ARHGAP44: variants seen among roughly 807,000 people sequenced by gnomAD.
ARHGAP44 encodes the protein Rho GTPase activating protein 44.
ARHGAP44 carries 43 observed loss-of-function variants against 106.8 expected under a neutral mutation model. The observed-to-expected ratio is 0.40, with a 90% CI of 0.32 to 0.52. The LOEUF (loss-of-function observed/expected upper bound fraction) is 0.52, where lower values mean the gene tolerates loss of function less well. Among genes scored for constraint, ARHGAP44 ranks in the 20% least tolerant of loss-of-function variants. ARHGAP44 has a pLI of 0.48. For synonymous variants in ARHGAP44, 439 were observed against 410.3 expected (o/e 1.07, Z -0.85); for missense variants, 866 against 1,050.5 (o/e 0.82, Z 2.43).
At chr17:12,973,463 A>C (rs1299348765) in intron 17 of ARHGAP44, 144 bp downstream of exon 17, 2 of 826,810 alleles carry the variant, frequency 2.4e-6, no homozygotes, top group African/African-American at 3.4e-5. Flanking sequence ...CCCATCATTA[A>C]AATAGAATCA....
chr17:12,841,493 G>C (rs559820482), intron 1 of ARHGAP44, among the ~76,000 whole-genome samples: 1 of 151,912 alleles, frequency 6.6e-6, no homozygotes, highest in East Asian at 1.9e-4. Context: ...GCTAAGGCAG[G>C]AGAATTGCTT....
At chr17:12,885,188 C>T (rs536319183) in intron 1 of ARHGAP44, among the ~76,000 whole-genome samples, 18 of 152,294 alleles carry the variant, frequency 1.2e-4, no homozygotes, top group East Asian at 1.9e-4. Context: ...CGTGAGCCAT[C>T]GCACCCAGCA....
intron 20 of ARHGAP44, chr17:12,988,925 CAA>C (rs76187703): frequency 0.014 from 1,199 of 84,558 alleles, 22 homozygotes; most frequent in African/African-American, 0.051. Context: ...CTAAAAACAC[CAA>C]AAAAAAAAAA....
chr17:12,987,493 CGT>C, intron 20 of ARHGAP44: 1 of 205,014 alleles, frequency 4.9e-6, no homozygotes, highest in Non-Finnish European at 9.9e-6. Flanking sequence ...ATCTGTTCTT[CGT>C]GTGAGACTTT....
chr17:12,976,654 G>T (rs1051685824), intron 18 of ARHGAP44, among the ~76,000 whole-genome samples: 2 of 151,188 alleles, frequency 1.3e-5, no homozygotes, highest in African/African-American at 4.9e-5. Flanking sequence ...GTAAAACCAG[G>T]AAATGACAAA....
In ARHGAP44 at chr17:12,990,081, G is replaced by A. The variant is rs2040086236; in HGVS notation, c.2367G>A (p.Thr789=). ...CGATCCACATAGAGCTCGGGTCGAC[G>A]CTCCGCCTGAGTCCCCTGGAGCACA... ...IPSIHIELGS[T]LRLSPLEHMR... The change falls in exon 21 of 21, where the codon ACG becomes ACA. Residue 789 remains threonine (T), a synonymous_variant. Coordinates refer to ENST00000379672, the MANE Select transcript of ARHGAP44 (RefSeq NM_014859.6). The A allele has an allele frequency of 4.3e-6, 7 of 1,612,534 alleles. No homozygotes were observed. Among genetic ancestry groups the A allele is most frequent in the South Asian group, 1.1e-5 (1 of 91,058 alleles).
intron 1 of ARHGAP44, among the ~76,000 whole-genome samples, chr17:12,863,516 A>G (rs916388215): frequency 6.6e-6 from 1 of 152,138 alleles, no homozygotes; most frequent in Admixed American, 6.5e-5. Flanking sequence ...TATTGTGCCA[A>G]TTTCCTCCCA....
chr17:12,981,670 T>C, intron 19 of ARHGAP44, among the ~76,000 whole-genome samples: 1 of 151,556 alleles, frequency 6.6e-6, no homozygotes, highest in Non-Finnish European at 1.5e-5. Flanking sequence ...AGTGCTGGGA[T>C]TACAGGCGTG....
chr17:12,818,944 G>A (rs905201672), intron 1 of ARHGAP44, among the ~76,000 whole-genome samples: 4 of 152,054 alleles, frequency 2.6e-5, no homozygotes, highest in Non-Finnish European at 5.9e-5. Context: ...GCATGGATAG[G>A]CAAAGGAACT....
At chr17:12,821,509 A>G (rs1479465069) in intron 1 of ARHGAP44, among the ~76,000 whole-genome samples, 1 of 152,214 alleles carries the variant, frequency 6.6e-6, no homozygotes, top group Non-Finnish European at 1.5e-5. Context: ...ACAATGTTAG[A>G]AAACCAGTCT....
chr17:12,824,267 A>G (rs929577366), intron 1 of ARHGAP44, among the ~76,000 whole-genome samples: 4 of 152,136 alleles, frequency 2.6e-5, no homozygotes, highest in Admixed American at 2.6e-4. Context: ...CACCATGGAA[A>G]AGAGTTTGAA....
At chr17:12,840,594 C>A (rs1377449533) in intron 1 of ARHGAP44, among the ~76,000 whole-genome samples, 1 of 152,136 alleles carries the variant, frequency 6.6e-6, no homozygotes, top group Non-Finnish European at 1.5e-5. Context: ...AGTAGGGTGA[C>A]TGAGGAGAGG....
intron 1 of ARHGAP44, among the ~76,000 whole-genome samples, chr17:12,840,990 G>C (rs1597918963): frequency 6.6e-6 from 1 of 152,136 alleles, no homozygotes; most frequent in African/African-American, 2.4e-5. Context: ...CCCTCATAGT[G>C]TGTGTGTGGG....
intron 6 of ARHGAP44, among the ~76,000 whole-genome samples, chr17:12,923,183 G>A (rs1261584312): frequency 6.6e-6 from 1 of 152,166 alleles, no homozygotes; most frequent in East Asian, 1.9e-4. Flanking sequence ...GTGAGTTTAG[G>A]GATAGGGAAT....
chr17:12,811,832 G>A (rs868518622), intron 1 of ARHGAP44, among the ~76,000 whole-genome samples: 4 of 152,122 alleles, frequency 2.6e-5, no homozygotes, highest in African/African-American at 7.2e-5. Context: ...GTCATCATGC[G>A]TGTTCTCCCT....
chr17:12,792,462 C>T (rs2033794492), intron 1 of ARHGAP44, among the ~76,000 whole-genome samples: 1 of 152,158 alleles, frequency 6.6e-6, no homozygotes, highest in Non-Finnish European at 1.5e-5. Context: ...AAACGGTTTA[C>T]CCCAGGGTCC....
intron 16 of ARHGAP44, among the ~76,000 whole-genome samples, chr17:12,963,046 C>CAAAAAAAAAA (rs71369355): frequency 7.0e-5 from 5 of 70,950 alleles, no homozygotes; most frequent in African/African-American, 1.3e-4. Context: ...AACACCATCT[C>CAAAAAAAAAA]AAAAAAAAAA....
intron 17 of ARHGAP44, chr17:12,973,669 C>A (rs1006256836): frequency 3.7e-5 from 18 of 480,556 alleles, no homozygotes; most frequent in African/African-American, 3.6e-4. Flanking sequence ...CTGCCCCTCC[C>A]ACCTCGTCTT....
At chr17:12,869,387 CATGTG>C (rs2036337863) in intron 1 of ARHGAP44, among the ~76,000 whole-genome samples, 1 of 152,066 alleles carries the variant, frequency 6.6e-6, no homozygotes, top group South Asian at 2.1e-4. Flanking sequence ...AAATTTATAA[CATGTG>C]GTATACAAAA....
Sources: allele counts gnomAD v4.1 joint callset (sites outside exome capture counted in the v4.1 genomes callset), GRCh38; gene constraint gnomAD v4.1.1; transcripts MANE v1.5; gene names NCBI Gene and HGNC (gene_info 2026-07-23, HGNC 2026-07-21).